The following CNTNAP2 variants were observed in gnomAD, a reference collection of about 807,000 sequenced individuals.
CNTNAP2 encodes contactin associated protein 2.
Under a neutral mutation model 155.2 loss-of-function variants are expected in CNTNAP2, and 98 were observed. The observed-to-expected ratio is 0.63, with a 90% CI of 0.54 to 0.75. The LOEUF (loss-of-function observed/expected upper bound fraction) is 0.75, where lower values mean the gene tolerates loss of function less well. Among genes scored for constraint, CNTNAP2 ranks in the 30% least tolerant of loss-of-function variants. CNTNAP2 has a pLI of 0.00. For synonymous variants in CNTNAP2, 651 were observed against 631.2 expected, an observed-to-expected ratio of 1.03 and a Z score of -0.47; for missense variants, 1,727 against 1,688.1, an observed-to-expected ratio of 1.02 and a Z score of -0.40.
At chr7:146,995,022 A>G (rs1798280652) in intron 3 of CNTNAP2, among the ~76,000 whole-genome samples, 1 of 151,956 alleles carries the variant, frequency 6.6e-6, no homozygotes, top group Non-Finnish European at 1.5e-5. Context: ...GTTAACCACC[A>G]TTCTATTCTC....
At chr7:148,306,050 G>T (rs1184316023) in intron 21 of CNTNAP2, among the ~76,000 whole-genome samples, 1 of 152,144 alleles carries the variant, frequency 6.6e-6, no homozygotes, top group Admixed American at 6.5e-5. Flanking sequence ...TTGCAAGTCT[G>T]AAAATGTCTT....
At chr7:146,491,910 A>G (rs529405316) in intron 1 of CNTNAP2, among the ~76,000 whole-genome samples, 14 of 152,192 alleles carry the variant, frequency 9.2e-5, no homozygotes, top group Non-Finnish European at 1.6e-4. Flanking sequence ...GCAGAAAGTG[A>G]TACCTCCCTG....
At chr7:148,216,146 T>G (rs760344040) in intron 18 of CNTNAP2, among the ~76,000 whole-genome samples, 4 of 152,142 alleles carry the variant, frequency 2.6e-5, no homozygotes, top group Non-Finnish European at 4.4e-5. Flanking sequence ...TTTAGAACAT[T>G]GCTGAGCAAA....
intron 2 of CNTNAP2, among the ~76,000 whole-genome samples, chr7:146,822,082 G>A (rs985466045): frequency 1.3e-5 from 2 of 152,154 alleles, no homozygotes; most frequent in African/African-American, 2.4e-5. Flanking sequence ...CAAATGTCCA[G>A]CAACGATAGA....
Position 147,618,599 on chromosome 7 carries a change from T to A in CNTNAP2, c.1898-20507T>A, listed in dbSNP as rs117924100. Among the ~76,000 whole-genome samples, 578 of 150,626 alleles carry A rather than the reference T, an allele frequency of 3.8e-3. 2 individuals carry two copies. Among genetic ancestry groups the A allele is most frequent in the Middle Eastern group, 7.1e-3 (2 of 282 alleles). ...CATAATGTGAACTTCAGACTGTATA[T>A]GAATAACATAGAAAAGAATCAGGAA... On this transcript the variant is annotated intron_variant, in intron 12 of 23. Transcript: ENST00000361727.
intron 8 of CNTNAP2, among the ~76,000 whole-genome samples, chr7:147,240,257 C>T (rs1037623018): frequency 9.9e-5 from 15 of 152,126 alleles, no homozygotes; most frequent in African/African-American, 3.1e-4. Flanking sequence ...CTGGAGAGTT[C>T]AAGGCTGCAG....
chr7:148,063,793 A>C (rs938818769), intron 15 of CNTNAP2, among the ~76,000 whole-genome samples: 3 of 151,962 alleles, frequency 2.0e-5, no homozygotes, highest in Non-Finnish European at 1.5e-5. Flanking sequence ...CTTGGTCATG[A>C]AGTCTTTGCC....
At chr7:147,435,404 T>C (rs1193593913) in intron 10 of CNTNAP2, among the ~76,000 whole-genome samples, 2 of 152,084 alleles carry the variant, frequency 1.3e-5, no homozygotes, top group African/African-American at 4.8e-5. Context: ...AGTAGGAGAA[T>C]TTTCCCCGTC....
intron 18 of CNTNAP2, among the ~76,000 whole-genome samples, chr7:148,203,753 GAAAGA>G (rs1366748123): frequency 6.6e-6 from 1 of 151,962 alleles, no homozygotes; most frequent in Non-Finnish European, 1.5e-5. Context: ...AAAAGAAAAA[GAAAGA>G]AAAGAAAAGG....
At chr7:146,120,670 CT>C (rs1797548651) in intron 1 of CNTNAP2, among the ~76,000 whole-genome samples, 1 of 152,106 alleles carries the variant, frequency 6.6e-6, no homozygotes, top group Admixed American at 6.6e-5. Flanking sequence ...TATAATGGAG[CT>C]GTCATATATA....
intron 17 of CNTNAP2, among the ~76,000 whole-genome samples, chr7:148,154,213 A>G (rs1805358968): frequency 1.3e-5 from 2 of 152,232 alleles, no homozygotes; most frequent in Admixed American, 1.3e-4. Flanking sequence ...AGTGGAAGGC[A>G]CGCTGTCTTC....
At chr7:147,420,150 T>C (rs1017884150) in intron 10 of CNTNAP2, among the ~76,000 whole-genome samples, 2 of 152,202 alleles carry the variant, frequency 1.3e-5, no homozygotes, top group African/African-American at 2.4e-5. Context: ...GCCAAATGTA[T>C]ACTGTTAGAA....
chr7:147,093,287 A>G (rs1245869971), intron 4 of CNTNAP2, among the ~76,000 whole-genome samples: 1 of 151,392 alleles, frequency 6.6e-6, no homozygotes, highest in African/African-American at 2.4e-5. Flanking sequence ...CGTATGTCAG[A>G]TGATACAATG....
chr7:147,619,727 T>C (rs1801357308), intron 12 of CNTNAP2, among the ~76,000 whole-genome samples: 1 of 152,198 alleles, frequency 6.6e-6, no homozygotes, highest in Admixed American at 6.5e-5. Context: ...ATGGCAACTC[T>C]GGACCTACCT....
At chr7:147,752,870 A>G (rs1797158695) in intron 13 of CNTNAP2, among the ~76,000 whole-genome samples, 1 of 152,218 alleles carries the variant, frequency 6.6e-6, no homozygotes, top group South Asian at 2.1e-4. Flanking sequence ...AAACAGTCAG[A>G]GGGCATGGCA....
chr7:148,391,445 A>T (rs576084289), intron 22 of CNTNAP2, among the ~76,000 whole-genome samples: 4 of 152,206 alleles, frequency 2.6e-5, no homozygotes, highest in Non-Finnish European at 5.9e-5. Context: ...ATTTAAGTTG[A>T]CTTGATTTAA....
At chr7:146,620,973 T>C (rs1799306860) in intron 1 of CNTNAP2, among the ~76,000 whole-genome samples, 1 of 152,200 alleles carries the variant, frequency 6.6e-6, no homozygotes. Flanking sequence ...ATCTTCTCCA[T>C]TAATTATATC....
chr7:148,377,876 T>C lies in CNTNAP2; in HGVS notation c.3476-5773T>C, dbSNP rs1215671606. Among the ~76,000 whole-genome samples the C allele has an allele frequency of 2.9e-5, 2 of 68,024 alleles. 1 individual carries two copies. Among genetic ancestry groups the C allele is most frequent in the East Asian group, 8.6e-4 (2 of 2,338 alleles). The allele number at this position is 68,024 out of a possible 152,430, so 44.6% of individuals were successfully genotyped here. ...TTTGAATACCCATACAACCATTCTG[T>C]TTTCCACTTTCAACACTTTATTATA... is the stretch of plus-strand genomic sequence containing the variant. On this transcript the variant is annotated intron_variant, in intron 21 of 23. Transcript: ENST00000361727.
intron 1 of CNTNAP2, among the ~76,000 whole-genome samples, chr7:146,448,259 AG>A (rs1293638638): frequency 6.6e-6 from 1 of 152,068 alleles, no homozygotes; most frequent in African/African-American, 2.4e-5. Flanking sequence ...AACACAGAAA[AG>A]TAATGACAAT....
Sources: gnomAD v4.1 joint callset for allele counts (sites outside exome capture counted in the v4.1 genomes callset) on GRCh38, gnomAD v4.1.1 for gene constraint, MANE v1.5 for transcripts, NCBI Gene and HGNC (gene_info 2026-07-23, HGNC 2026-07-21) for gene names.